Variants in SPATA13 observed in about 807,000 individuals in gnomAD.
The protein encoded by SPATA13 is spermatogenesis associated 13, also known as spermatogenesis-associated protein 13.
A neutral mutation model predicts 104.0 loss-of-function variants in SPATA13; 50 were observed. That is an observed-to-expected ratio of 0.48 (90% CI 0.38 to 0.61). The LOEUF is 0.61. SPATA13 is among the 20% of genes least tolerant of loss of function. The probability of loss-of-function intolerance (pLI) is 0.00; values close to 1 mark genes in which losing one functional copy is unlikely to be tolerated. For synonymous variants in SPATA13, 606 were observed against 667.5 expected, an observed-to-expected ratio of 0.91 and a Z score of 1.42; for missense variants, 1,524 against 1,690.6, an observed-to-expected ratio of 0.90 and a Z score of 1.73.
chr13:24,302,412 A>G (rs775738791), intron 12 of SPATA13, among the ~76,000 whole-genome samples, 186 bp from the exon 13 acceptor site: 4 of 147,594 alleles, frequency 2.7e-5, no homozygotes, highest in Non-Finnish European at 6.0e-5. Flanking sequence ...CAGTGATCCA[A>G]GATCACACCA....
intron 3 of SPATA13, among the ~76,000 whole-genome samples, chr13:24,133,462 A>C (rs536448066): frequency 6.6e-6 from 1 of 152,288 alleles, no homozygotes; most frequent in Admixed American, 6.5e-5. Flanking sequence ...TGGGCACAGG[A>C]AGGACAGACA....
intron 3 of SPATA13, among the ~76,000 whole-genome samples, chr13:24,147,133 A>G (rs549892180): frequency 1.1e-4 from 17 of 152,294 alleles, no homozygotes; most frequent in African/African-American, 3.6e-4. Flanking sequence ...TCTTACCATC[A>G]AGAATGGAAT....
At chr13:24,240,391 C>A (rs1393487861) in intron 2 of SPATA13, among the ~76,000 whole-genome samples, 1 of 152,034 alleles carries the variant, frequency 6.6e-6, no homozygotes, top group Non-Finnish European at 1.5e-5. Context: ...AAACGGAACC[C>A]CCTTGAACAA....
chr13:24,032,820 C>T (rs1877531670), intron 3 of SPATA13, among the ~76,000 whole-genome samples: 1 of 152,150 alleles, frequency 6.6e-6, no homozygotes, highest in African/African-American at 2.4e-5. Flanking sequence ...GTCCAAGGTC[C>T]AGTTTTTATT....
At chr13:24,055,007 A>G (rs760173531) in intron 3 of SPATA13, among the ~76,000 whole-genome samples, 5 of 152,206 alleles carry the variant, frequency 3.3e-5, no homozygotes, top group African/African-American at 4.8e-5. Context: ...TTTATAAACA[A>G]TATAATGCCA....
chr13:24,189,414 C>A (rs546157391), intron 1 of SPATA13, among the ~76,000 whole-genome samples: 112 of 149,944 alleles, frequency 7.5e-4, no homozygotes, highest in South Asian at 4.0e-3. Context: ...GCGGAGCTTG[C>A]AGTGAGCTGA....
At chr13:24,044,912 G>C (rs1435345825) in intron 3 of SPATA13, among the ~76,000 whole-genome samples, 2 of 151,962 alleles carry the variant, frequency 1.3e-5, no homozygotes, top group East Asian at 3.9e-4. Flanking sequence ...GGTAGGCAGA[G>C]TGAAGAGAGG....
rs76981615 is a variant in SPATA13 at position 24,070,143 on chromosome 13, C to T, written c.-112+52442C>T. Reference sequence around the variant, plus strand: ...GGAGTACAGAGTTCAGGAGCAGGGGCAGATTGTGGACTAAAACGGTTCCAG... The same window carrying T: ...GGAGTACAGAGTTCAGGAGCAGGGGTAGATTGTGGACTAAAACGGTTCCAG... On this transcript the variant is annotated intron_variant, in intron 3 of 14. Coordinates refer to the SPATA13 transcript ENST00000424834. Among the ~76,000 whole-genome samples the T allele has an allele frequency of 3.6e-3, 548 of 152,268 alleles. 15 individuals are homozygous for T. In the East Asian group the frequency reaches 0.062, roughly 17 times the overall value.
chr13:24,140,257 C>G (rs899521965), intron 3 of SPATA13, among the ~76,000 whole-genome samples: 3 of 152,048 alleles, frequency 2.0e-5, no homozygotes, highest in Non-Finnish European at 4.4e-5. Flanking sequence ...ATATTCAAAT[C>G]ATTGTAATCT....
intron 3 of SPATA13, among the ~76,000 whole-genome samples, chr13:24,125,225 G>A (rs914648807): frequency 6.6e-6 from 1 of 152,316 alleles, no homozygotes; most frequent in Non-Finnish European, 1.5e-5. Flanking sequence ...CAGGGCTCAC[G>A]TCTCTTGCTT....
chr13:24,023,360 C>A (rs73162147), intron 3 of SPATA13, among the ~76,000 whole-genome samples: 36,699 of 151,828 alleles, frequency 0.24, 4,738 homozygotes, highest in Admixed American at 0.29. Context: ...TCAGTAAATT[C>A]ATTTCTCTGG....
intron 3 of SPATA13, among the ~76,000 whole-genome samples, chr13:24,053,784 C>A (rs1295882793): frequency 6.6e-6 from 1 of 152,138 alleles, no homozygotes; most frequent in Non-Finnish European, 1.5e-5. Context: ...TTTAAGACAC[C>A]AAAACAACCC....
chr13:24,260,248 T>C (rs1873995382), intron 4 of SPATA13, among the ~76,000 whole-genome samples: 1 of 152,162 alleles, frequency 6.6e-6, no homozygotes, highest in African/African-American at 2.4e-5. Flanking sequence ...AGTTTGTTGT[T>C]AGGGGTAGTG....
intron 3 of SPATA13, among the ~76,000 whole-genome samples, chr13:24,143,526 C>T (rs117643380): frequency 2.3e-3 from 350 of 152,168 alleles, no homozygotes; most frequent in Non-Finnish European, 3.5e-3. Flanking sequence ...GATGAGTGAC[C>T]GAAAGCAGAA....
chr13:24,050,477 G>A (rs560191092), intron 3 of SPATA13, among the ~76,000 whole-genome samples: 4 of 152,152 alleles, frequency 2.6e-5, no homozygotes, highest in Admixed American at 2.0e-4. Flanking sequence ...TATAGGATTC[G>A]AGACCCAGGA....
At chr13:24,086,112 A>G (rs937993856) in intron 3 of SPATA13, among the ~76,000 whole-genome samples, 7 of 152,220 alleles carry the variant, frequency 4.6e-5, no homozygotes, top group African/African-American at 1.7e-4. Context: ...GCAGATAGCC[A>G]TAAATGCCAC....
At chr13:24,001,548 G>A (rs535645951) in intron 2 of SPATA13, among the ~76,000 whole-genome samples, 72 of 152,050 alleles carry the variant, frequency 4.7e-4, no homozygotes, top group African/African-American at 1.4e-3. Context: ...GCTGGCTGCC[G>A]TGTCTGTTAG....
chr13:24,115,546 G>A (rs1880806132), intron 3 of SPATA13, among the ~76,000 whole-genome samples: 1 of 152,240 alleles, frequency 6.6e-6, no homozygotes. Context: ...ATTTGAGGTG[G>A]AACAGTTTCA....
intron 2 of SPATA13, among the ~76,000 whole-genome samples, chr13:24,014,879 ATTTT>A (rs10566756): frequency 3.8e-5 from 3 of 78,698 alleles, no homozygotes; most frequent in African/African-American, 4.9e-5. Context: ...CACTTTCTGG[ATTTT>A]TTTTTTTTTT....
Sources: gnomAD v4.1 joint callset for allele counts (sites outside exome capture counted in the v4.1 genomes callset) on GRCh38, gnomAD v4.1.1 for gene constraint, MANE v1.5 for transcripts, NCBI Gene and HGNC (gene_info 2026-07-23, HGNC 2026-07-21) for gene names.